ZNF76: variants seen among roughly 807,000 people sequenced by gnomAD.
The protein encoded by ZNF76 is zinc finger protein 76.
In ZNF76, 66 loss-of-function variants were observed where a neutral mutation model predicts 66.9. The observed-to-expected ratio is 0.99, with a 90% CI of 0.81 to 1.21. The LOEUF (loss-of-function observed/expected upper bound fraction) is 1.21, where lower values mean the gene tolerates loss of function less well. Among genes scored for constraint, ZNF76 ranks in the 50% most tolerant of loss-of-function variants. The pLI, the probability that ZNF76 is intolerant of heterozygous loss-of-function variation, is 0.00. For synonymous variants in ZNF76, 275 were observed against 296.1 expected (o/e 0.93, Z 0.73); for missense variants, 729 against 760.3 (o/e 0.96, Z 0.48).
Position 35,287,433 on chromosome 6 carries a change from G to T in ZNF76, c.233-213G>T, listed in dbSNP as rs1048771216. Reference sequence around the variant, plus strand: ...TGTCAGGTCCTCAAGGAGCTTGTGAGTTCCCATTTAGTGTACCATAGGAGA... The same window carrying T: ...TGTCAGGTCCTCAAGGAGCTTGTGATTTCCCATTTAGTGTACCATAGGAGA... On this transcript the variant is annotated intron_variant, in intron 4 of 13. Transcript: ENST00000373953. The surrounding 1 kb of genome is among the most constrained non-coding windows in gnomAD (Gnocchi z 4.0). 2.6e-5 allele frequency among the ~76,000 whole-genome samples: 4 copies of T among 152,158 alleles called. No homozygotes were observed. The highest frequency in any genetic ancestry group is 2.9e-5 in the Non-Finnish European group (2 of 68,026).
At chr6:35,270,007 C>T (rs1484658899) in intron 1 of ZNF76, among the ~76,000 whole-genome samples, 2 of 152,234 alleles carry the variant, frequency 1.3e-5, no homozygotes, top group Admixed American at 6.5e-5. Context: ...ACTGGACTCT[C>T]CATTCCTCAT....
At chr6:35,281,467 A>G (rs1002997706) in intron 2 of ZNF76, among the ~76,000 whole-genome samples, 1 of 152,232 alleles carries the variant, frequency 6.6e-6, no homozygotes, top group Admixed American at 6.5e-5. Context: ...AGAATTCCTA[A>G]TATGTAATAA....
intron 1 of ZNF76, among the ~76,000 whole-genome samples, chr6:35,265,707 A>G (rs1178285371): frequency 6.6e-6 from 1 of 152,116 alleles, no homozygotes; most frequent in Non-Finnish European, 1.5e-5. Context: ...AAAGGCCCTG[A>G]GGCAGGAATG....
At chr6:35,275,726 G>A (rs919050335) in intron 1 of ZNF76, among the ~76,000 whole-genome samples, 2 of 152,176 alleles carry the variant, frequency 1.3e-5, no homozygotes, top group African/African-American at 4.8e-5. Context: ...ATGAGTTGAG[G>A]TTATTTAGCC....
At chr6:35,288,499 C>T (rs1342579703) in intron 5 of ZNF76, among the ~76,000 whole-genome samples, 1 of 152,232 alleles carries the variant, frequency 6.6e-6, no homozygotes, top group Admixed American at 6.5e-5. Context: ...CCAGGGTGTT[C>T]CCTTCCTGGA....
chr6:35,290,559 G>A, intron 6 of ZNF76, 82 bp from the exon 7 acceptor site: 1 of 1,551,786 alleles, frequency 6.4e-7, no homozygotes, highest in Non-Finnish European at 8.9e-7. Flanking sequence ...CAGGAGGGAA[G>A]AGAATCAGGG....
chr6:35,278,160 T>C (rs1788196222), intron 1 of ZNF76, among the ~76,000 whole-genome samples: 1 of 151,950 alleles, frequency 6.6e-6, no homozygotes, highest in African/African-American at 2.4e-5. Flanking sequence ...CCAGCCAGTT[T>C]TTGTTTTGTT....
intron 2 of ZNF76, among the ~76,000 whole-genome samples, chr6:35,281,570 G>A (rs1408321230): frequency 6.6e-6 from 1 of 152,132 alleles, no homozygotes; most frequent in Non-Finnish European, 1.5e-5. Flanking sequence ...GTGCTTTCTA[G>A]AAGCAGTTTA....
intron 1 of ZNF76, among the ~76,000 whole-genome samples, chr6:35,278,081 C>T (rs555421953): frequency 1.3e-5 from 2 of 152,326 alleles, no homozygotes; most frequent in South Asian, 4.1e-4. Flanking sequence ...TGGTCTGGAT[C>T]TCCTGACCTT....
chr6:35,268,696 C>T (rs1037426973), intron 1 of ZNF76, among the ~76,000 whole-genome samples: 1 of 151,094 alleles, frequency 6.6e-6, no homozygotes, highest in African/African-American at 2.4e-5. Flanking sequence ...GAACCAGGAC[C>T]CAGGAGGCGG....
At position 35,292,601 on chromosome 6, in the gene ZNF76, A is replaced by G; in HGVS notation, c.979A>G (p.Thr327Ala). The G allele has an allele frequency of 6.2e-7, 1 of 1,613,256 alleles. No individual in the cohort carries two copies. The highest frequency in any genetic ancestry group is 8.5e-7 in the Non-Finnish European group (1 of 1,179,938). ...GGTGCCAGGCTGCGGGAAACGCTTCACCGAGTACTCGAGCTTGTATAAGCA... is the reference window on the plus strand; with the variant it reads ...GGTGCCAGGCTGCGGGAAACGCTTCGCCGAGTACTCGAGCTTGTATAAGCA... ...CTVPGCGKRF[T>A]EYSSLYKHHV... The change falls in exon 10 of 14, where the codon ACC becomes GCC. Residue 327 changes from threonine to alanine, a missense_variant. Physicochemically the swap from Thr to Ala is moderately conservative, Grantham distance 58. Transcript: ENST00000373953. The surrounding 1 kb of genome is among the most constrained non-coding windows in gnomAD (Gnocchi z 4.7).
At chr6:35,267,792 A>G (rs1445051188) in intron 1 of ZNF76, among the ~76,000 whole-genome samples, 1 of 152,212 alleles carries the variant, frequency 6.6e-6, no homozygotes, top group Non-Finnish European at 1.5e-5. Flanking sequence ...GTGAACGTGC[A>G]TGTCAAAGAT....
intron 13 of ZNF76, 44 bp downstream of exon 13, chr6:35,294,613 A>C: frequency 7.3e-7 from 1 of 1,362,436 alleles, no homozygotes; most frequent in Non-Finnish European, 1.1e-6. Flanking sequence ...CGGCCAGAGA[A>C]GTCAACAAGG....
chr6:35,293,924 A>G lies in ZNF76; in HGVS notation c.1494+9A>G. 6.2e-7 allele frequency: 1 copy of G among 1,613,222 alleles called. No homozygotes were observed. The highest frequency in any genetic ancestry group is 2.2e-5 in the East Asian group (1 of 44,858). ...GCACCCAGACGCAGCCCGTATGACCAGGCGGTTTGCTTGGGGTTTCTTATT... is the reference window on the plus strand; with the variant it reads ...GCACCCAGACGCAGCCCGTATGACCGGGCGGTTTGCTTGGGGTTTCTTATT... On this transcript the variant is annotated intron_variant, in intron 12 of 13. Coordinates refer to ENST00000373953, the MANE Select transcript of ZNF76 (RefSeq NM_003427.5).
chr6:35,286,555 G>C lies in ZNF76; in HGVS notation c.232+156G>C. The C allele has an allele frequency of 5.6e-6, 4 of 717,376 alleles. No individual in the cohort carries two copies. The Admixed American group carries it at 8.4e-5, about 15-fold the overall frequency. The allele number at this position is 717,376 out of a possible 1,614,324, so 44.4% of individuals were successfully genotyped here. ...CATGCTCACCTGGATTAGCAGCCTT[G>C]CCCACCTTCCCTGGTGCAGACCACA... is the stretch of plus-strand genomic sequence containing the variant. On this transcript the variant is annotated intron_variant, in intron 4 of 13. Transcript: ENST00000373953.
Position 35,286,216 on chromosome 6 carries a change from C to T in ZNF76, c.154+8C>T, listed in dbSNP as rs374004540. ...AGGTGACGGTACAGAAAGGTGAGGG[C>T]ACCCCAACACACCATGCCTTGTCGA... On this transcript the variant is annotated splice_region_variant and intron_variant, in intron 3 of 13. Transcript: ENST00000373953. 196 of 1,613,780 alleles carry T rather than the reference C, an allele frequency of 1.2e-4. No homozygotes were observed. Among genetic ancestry groups the T allele is most frequent in the Non-Finnish European group, 1.5e-4 (172 of 1,179,802 alleles).
chr6:35,286,405 G>A lies in ZNF76; in HGVS notation c.232+6G>A. 1 of 1,613,708 alleles carries A rather than the reference G, an allele frequency of 6.2e-7. No individual in the cohort carries two copies. The highest frequency in any genetic ancestry group is 8.5e-7 in the Non-Finnish European group (1 of 1,179,888). On this transcript the variant is annotated splice_donor_region_variant and intron_variant, in intron 4 of 13. Coordinates refer to ENST00000373953, the MANE Select transcript of ZNF76 (RefSeq NM_003427.5). ...CATACACCGCACACCCAGAGGTAGG[G>A]TCACCATCATCACAACTCGGGGAAG...
At chr6:35,266,459 A>G (rs893603828) in intron 1 of ZNF76, among the ~76,000 whole-genome samples, 4 of 152,146 alleles carry the variant, frequency 2.6e-5, no homozygotes, top group Admixed American at 2.6e-4. Context: ...GAAATTGGGG[A>G]GCCTGGAAGG....
At chr6:35,273,051 G>A (rs1249899351) in intron 1 of ZNF76, among the ~76,000 whole-genome samples, 1 of 151,980 alleles carries the variant, frequency 6.6e-6, no homozygotes, top group African/African-American at 2.4e-5. Context: ...AGCTACTCTG[G>A]AGGCTGGGGC....
Sources: gnomAD v4.1 joint callset for allele counts (sites outside exome capture counted in the v4.1 genomes callset) on GRCh38, gnomAD v4.1.1 for gene constraint, Gnocchi (gnomAD v3.1) non-coding constraint, MANE v1.5 for transcripts, NCBI Gene and HGNC (gene_info 2026-07-23, HGNC 2026-07-21) for gene names.